The following PDE4D variants were observed in gnomAD, a reference collection of about 807,000 sequenced individuals.
The protein encoded by PDE4D is 3',5'-cyclic-AMP phosphodiesterase 4D.
A neutral mutation model predicts 87.4 loss-of-function variants in PDE4D; 24 were observed. That is an observed-to-expected ratio of 0.27 (90% CI 0.20 to 0.39). The LOEUF is 0.39. Ranked by LOEUF, PDE4D falls within the 10% of genes least tolerant of loss-of-function variation. PDE4D has a pLI of 1.00. For synonymous variants in PDE4D, 384 were observed against 383.2 expected, an observed-to-expected ratio of 1.00 and a Z score of -0.02; for missense variants, 714 against 1,041.0, an observed-to-expected ratio of 0.69 and a Z score of 4.32.
chr5:59,306,135 A>T (rs1241356553), intron 1 of PDE4D, among the ~76,000 whole-genome samples: 1 of 152,168 alleles, frequency 6.6e-6, no homozygotes, highest in East Asian at 1.9e-4. Context: ...TTTTACCATT[A>T]TATAATATCC....
chr5:59,940,613 T>G (rs1173224398), intron 3 of PDE4D, among the ~76,000 whole-genome samples: 1 of 152,108 alleles, frequency 6.6e-6, no homozygotes, highest in Non-Finnish European at 1.5e-5. Context: ...CACTGGGAGA[T>G]AGAGGGAGTT....
At chr5:60,415,353 C>T (rs892521579) in intron 1 of PDE4D, among the ~76,000 whole-genome samples, 1 of 152,272 alleles carries the variant, frequency 6.6e-6, no homozygotes, top group Non-Finnish European at 1.5e-5. Context: ...CCCACTCTGG[C>T]CGTGCTTGAG....
At chr5:58,981,142 G>C (rs952752559) in intron 11 of PDE4D, among the ~76,000 whole-genome samples, 4 of 152,036 alleles carry the variant, frequency 2.6e-5, no homozygotes, top group Non-Finnish European at 5.9e-5. Flanking sequence ...TCTCACAGAC[G>C]CACCCCAAAA....
intron 3 of PDE4D, among the ~76,000 whole-genome samples, chr5:59,916,954 ATTTTTTT>A (rs750105496): frequency 2.7e-5 from 2 of 73,616 alleles, no homozygotes; most frequent in Admixed American, 1.3e-4. Flanking sequence ...TGCCCGGCTA[ATTTTTTT>A]TTTTTTTTTT....
At chr5:59,870,742 G>A (rs1019460809) in intron 1 of PDE4D, among the ~76,000 whole-genome samples, 1 of 152,152 alleles carries the variant, frequency 6.6e-6, no homozygotes, top group African/African-American at 2.4e-5. Flanking sequence ...CTGCTGCCAA[G>A]ACAGGGAGAT....
At chr5:60,251,858 C>T (rs192669375) in intron 1 of PDE4D, among the ~76,000 whole-genome samples, 1 of 152,038 alleles carries the variant, frequency 6.6e-6, no homozygotes, top group East Asian at 1.9e-4. Flanking sequence ...TATATTCATT[C>T]ACCACTCACT....
chr5:60,106,247 A>G (rs1202210852), intron 2 of PDE4D, among the ~76,000 whole-genome samples: 2 of 151,908 alleles, frequency 1.3e-5, no homozygotes, highest in Non-Finnish European at 2.9e-5. Context: ...AACAAAGATC[A>G]AAAGAGACAA....
chr5:59,576,013 CTATAGT>C (rs1280986089), intron 1 of PDE4D, among the ~76,000 whole-genome samples: 1 of 152,144 alleles, frequency 6.6e-6, no homozygotes, highest in African/African-American at 2.4e-5. Flanking sequence ...TCCAAGCAAC[CTATAGT>C]TAATGGGTAA....
intron 11 of PDE4D, among the ~76,000 whole-genome samples, chr5:58,979,677 C>T (rs1744639712): frequency 6.6e-6 from 1 of 152,088 alleles, no homozygotes; most frequent in Admixed American, 6.6e-5. Context: ...TTGTTGAAAC[C>T]CTTTCATCTT....
At chr5:60,502,910 A>T (rs1396788290) in intron 1 of PDE4D, among the ~76,000 whole-genome samples, 2 of 152,246 alleles carry the variant, frequency 1.3e-5, no homozygotes, top group East Asian at 3.9e-4. Flanking sequence ...TTTCTTTATA[A>T]TAAGTTACTA....
chr5:59,558,512 C>CA (rs1198177731), intron 1 of PDE4D: 7 of 152,084 alleles, frequency 4.6e-5, no homozygotes, highest in African/African-American at 1.7e-4. Flanking sequence ...GAAGCAGTAG[C>CA]ATGCAGATGA....
chr5:59,853,059 T>C (rs1156388378), intron 1 of PDE4D, among the ~76,000 whole-genome samples: 1 of 152,088 alleles, frequency 6.6e-6, no homozygotes, highest in Non-Finnish European at 1.5e-5. Context: ...CACCTTTCTT[T>C]ATATGTCTTG....
intron 2 of PDE4D, among the ~76,000 whole-genome samples, chr5:60,057,839 A>T (rs961917758): frequency 3.3e-5 from 5 of 152,060 alleles, no homozygotes; most frequent in African/African-American, 4.8e-5. Context: ...CTAGATTAAC[A>T]ACATAGCATT....
intron 1 of PDE4D, among the ~76,000 whole-genome samples, chr5:59,274,790 A>T (rs976382915): frequency 2.0e-5 from 3 of 152,122 alleles, no homozygotes; most frequent in African/African-American, 7.2e-5. Context: ...AACCAAAAAT[A>T]TAATTACTAG....
intron 3 of PDE4D, among the ~76,000 whole-genome samples, chr5:59,921,998 C>G (rs1166516263): frequency 2.0e-5 from 3 of 152,078 alleles, no homozygotes; most frequent in African/African-American, 7.2e-5. Context: ...CCCCATGCGT[C>G]AGCAGTGGCC....
intron 1 of PDE4D, among the ~76,000 whole-genome samples, chr5:59,864,753 G>A (rs1186973395): frequency 6.6e-6 from 1 of 152,106 alleles, no homozygotes; most frequent in Non-Finnish European, 1.5e-5. Context: ...CCTGTGGAGC[G>A]TGCCCTTGGG....
At chr5:60,417,088 C>A (rs749775918) in intron 1 of PDE4D, among the ~76,000 whole-genome samples, 20 of 152,200 alleles carry the variant, frequency 1.3e-4, no homozygotes, top group Admixed American at 6.5e-5. Flanking sequence ...ATGAAGTAGT[C>A]ATGGTAATAG....
chr5:58,983,798 T>C (rs983906074), intron 11 of PDE4D, among the ~76,000 whole-genome samples: 1 of 152,214 alleles, frequency 6.6e-6, no homozygotes, highest in Non-Finnish European at 1.5e-5. Context: ...TGTGACACTC[T>C]CTTGTTCTGT....
At chr5:59,878,869 A>T (rs560605106) in intron 1 of PDE4D, among the ~76,000 whole-genome samples, 1 of 145,498 alleles carries the variant, frequency 6.9e-6, no homozygotes, top group Admixed American at 6.9e-5. Flanking sequence ...TCCATGGTCT[A>T]CATATCTACC....
Sources: gnomAD v4.1 joint callset for allele counts (sites outside exome capture counted in the v4.1 genomes callset) on GRCh38, gnomAD v4.1.1 for gene constraint, MANE v1.5 for transcripts, NCBI Gene and HGNC (gene_info 2026-07-23, HGNC 2026-07-21) for gene names.